Variants in SIAE observed in about 807,000 individuals in gnomAD.
The protein encoded by SIAE is sialate O-acetylesterase.
A neutral mutation model predicts 52.6 loss-of-function variants in SIAE; 39 were observed. That is an observed-to-expected ratio of 0.74 (90% CI 0.57 to 0.97). The LOEUF is 0.97. Among genes scored for constraint, SIAE ranks in the 50% least tolerant of loss-of-function variants. The probability of loss-of-function intolerance (pLI) is 0.00; values close to 1 mark genes in which losing one functional copy is unlikely to be tolerated. For missense variants in SIAE, 592 were observed against 662.1 expected (o/e 0.89, Z 1.16); for synonymous variants, 233 against 241.4 (o/e 0.97, Z 0.32).
rs186474201 is a variant in SIAE, at chr11:124,642,854, G to T, written c.967-2987C>A. On this transcript the variant is annotated intron_variant, in intron 7 of 9. Transcript: ENST00000263593. ...TAATCAGGTGAGTCCTTTCAAAGAG[G>T]GTCTAGAAGCCAGGCCCCCTCCCCT... 4.4e-3 allele frequency among the ~76,000 whole-genome samples: 674 copies of T among 152,210 alleles called. 7 individuals are homozygous for T. Among genetic ancestry groups the T allele is most frequent in the African/African-American group, 0.015 (623 of 41,526 alleles).
At chr11:124,661,155 CATTA>C (rs747453352) in intron 2 of SIAE, among the ~76,000 whole-genome samples, 51 of 152,142 alleles carry the variant, frequency 3.4e-4, no homozygotes, top group Admixed American at 6.6e-4. Context: ...TCAAAATTAA[CATTA>C]ATTTCATCTT....
intron 2 of SIAE, among the ~76,000 whole-genome samples, chr11:124,663,828 T>C (rs1053611191): frequency 6.6e-6 from 1 of 152,146 alleles, no homozygotes; most frequent in African/African-American, 2.4e-5. Flanking sequence ...ACGAAGTCCA[T>C]AAGCTGGAGT....
At chr11:124,639,586 C>T (rs987505693) in intron 8 of SIAE, 124 bp downstream of exon 8, 2 of 1,205,474 alleles carry the variant, frequency 1.7e-6, no homozygotes, top group African/African-American at 3.0e-5. Context: ...TACTGCAGCA[C>T]ACCCCAGCAT....
At chr11:124,647,804 C>T (rs1942961919) in intron 6 of SIAE, among the ~76,000 whole-genome samples, 1 of 152,090 alleles carries the variant, frequency 6.6e-6, no homozygotes, top group Admixed American at 6.6e-5. Context: ...TGCAACAGCC[C>T]CCAGACAATA....
chr11:124,673,619 C>A (rs1022848482), intron 1 of SIAE, 23 bp downstream of exon 1: 2 of 1,610,366 alleles, frequency 1.2e-6, no homozygotes, highest in African/African-American at 2.7e-5. Context: ...GGGCAGGGGT[C>A]CGGCCGAGCC....
chr11:124,674,542 A>G (rs989053980), upstream of SIAE: 1 of 152,268 alleles, frequency 6.6e-6, no homozygotes, highest in Non-Finnish European at 1.5e-5. Context: ...CCCGCTGCTT[A>G]GCAGCTACCC....
Position 124,636,183 on chromosome 11 carries a change from T to G in SIAE, c.*768A>C, listed in dbSNP as rs1942735285. 6.6e-6 allele frequency: 1 copy of G among 152,252 alleles called. No homozygotes were observed. The highest frequency in any genetic ancestry group is 1.5e-5 in the Non-Finnish European group (1 of 68,080). The allele number at this position is 152,252 out of a possible 1,614,324, so 9.4% of individuals were successfully genotyped here. On this transcript the variant is annotated 3_prime_UTR_variant, in exon 10 of 10. Transcript: ENST00000263593. ...ACTCCCACCTGGCCCTTGCTTTTCA[T>G]TCCTTAGGGCAGTCACTTAGCACCT...
intron 7 of SIAE, among the ~76,000 whole-genome samples, chr11:124,642,524 G>A (rs1323609601): frequency 6.6e-6 from 1 of 152,200 alleles, no homozygotes; most frequent in East Asian, 1.9e-4. Flanking sequence ...AGGGAAGGAG[G>A]AGAGAGTGTC....
rs758887870 is a variant in SIAE at position 124,645,584 on chromosome 11, AGCCACCAAGCCCG to A, written c.966+1768_966+1780del. 7.2e-5 allele frequency among the ~76,000 whole-genome samples: 11 copies of A among 152,168 alleles called. No homozygotes were observed. Among genetic ancestry groups the A allele is most frequent in the South Asian group, 2.1e-4 (1 of 4,834 alleles). On this transcript the variant is annotated intron_variant, in intron 7 of 9. Coordinates refer to ENST00000263593, the MANE Select transcript of SIAE (RefSeq NM_170601.5). The surrounding 1 kb of genome is among the most constrained non-coding windows in gnomAD (Gnocchi z 4.7). The stretch of plus-strand genomic sequence containing the variant: ...CCAGAGTGCTGGGATTACAAGCGTG[AGCCACCAAGCCCG>A]GCCTGATTGCTATATTTCTAGCACC...
chr11:124,660,535 C>T, intron 3 of SIAE, 93 bp downstream of exon 3: 2 of 1,299,520 alleles, frequency 1.5e-6, no homozygotes, highest in Admixed American at 1.7e-5. Context: ...TAAATAGAAA[C>T]AGCCCTGCTT....
At position 124,646,993 on chromosome 11, in the gene SIAE, T is replaced by A. The variant is rs570615345; in HGVS notation, c.966+372A>T. Among the ~76,000 whole-genome samples the A allele has an allele frequency of 1.9e-3, 282 of 152,360 alleles. 2 individuals are homozygous for A. Among genetic ancestry groups the A allele is most frequent in the South Asian group, 3.1e-3 (15 of 4,834 alleles). On this transcript the variant is annotated intron_variant, in intron 7 of 9. Coordinates refer to ENST00000263593, the MANE Select transcript of SIAE (RefSeq NM_170601.5). The stretch of plus-strand genomic sequence containing the variant: ...TTTTAGAGAAAAATGCAAGATATAG[T>A]ACAGATCTATTTCAAAAATAAATGA...
In SIAE at chr11:124,648,193, A is replaced by G. The variant is rs769949054; in HGVS notation, c.723-18T>C. On this transcript the variant is annotated intron_variant, in intron 5 of 9. Coordinates refer to ENST00000263593, the MANE Select transcript of SIAE (RefSeq NM_170601.5). ...GAATGGACCTGAAATCATATGATGC[A>G]CAAGTGTCACCAGAGAGCCAGTGAT... The G allele has an allele frequency of 7.6e-6, 12 of 1,585,454 alleles. No homozygotes were observed. Among genetic ancestry groups the G allele is most frequent in the Non-Finnish European group, 1.0e-5 (12 of 1,154,306 alleles).
At chr11:124,637,591 C>T (rs142804442) in intron 9 of SIAE, among the ~76,000 whole-genome samples, 2,396 of 152,252 alleles carry the variant, frequency 0.016, 30 homozygotes, top group Non-Finnish European at 0.02. Context: ...CTGGCACTCC[C>T]AGAGCCACTG....
At chr11:124,666,716 G>A (rs1172392390) in intron 2 of SIAE, among the ~76,000 whole-genome samples, 1 of 152,210 alleles carries the variant, frequency 6.6e-6, no homozygotes, top group Non-Finnish European at 1.5e-5. Context: ...TACTAAATGT[G>A]TAAGGATGGA....
chr11:124,661,994 T>C lies in SIAE; in HGVS notation c.230-1191A>G, dbSNP rs570817000. On this transcript the variant is annotated intron_variant, in intron 2 of 9. Coordinates refer to ENST00000263593, the MANE Select transcript of SIAE (RefSeq NM_170601.5). The stretch of plus-strand genomic sequence containing the variant: ...GTCCTAATGTACAACAGGTGACTAA[T>C]AAAAACTCAATTCATAAAGGATTTC... Among the ~76,000 whole-genome samples the C allele has an allele frequency of 4.6e-5, 7 of 152,280 alleles. No individual in the cohort carries two copies. In the South Asian group the frequency reaches 1.0e-3, roughly 23 times the overall value.
chr11:124,660,906 G>A (rs749212540), intron 2 of SIAE, 103 bp from the exon 3 acceptor site: 100 of 1,391,680 alleles, frequency 7.2e-5, no homozygotes, highest in East Asian at 3.4e-4. Flanking sequence ...GTAATAAACC[G>A]AATTCAAAGC....
chr11:124,672,367 AG>A (rs1173038075), intron 1 of SIAE, among the ~76,000 whole-genome samples: 1 of 152,204 alleles, frequency 6.6e-6, no homozygotes, highest in Non-Finnish European at 1.5e-5. Flanking sequence ...GCAATGTTCT[AG>A]TTCTTAAGTT....
chr11:124,657,304 C>T (rs73031440), intron 3 of SIAE, among the ~76,000 whole-genome samples: 4,661 of 152,258 alleles, frequency 0.031, 101 homozygotes, highest in Non-Finnish European at 0.043. Context: ...GTGTATCTGG[C>T]AGGGAAATTA....
intron 1 of SIAE, among the ~76,000 whole-genome samples, chr11:124,671,966 C>T (rs1041408398): frequency 6.7e-5 from 10 of 149,032 alleles, no homozygotes; most frequent in Non-Finnish European, 1.5e-4. Context: ...TTAGTAGAGA[C>T]GGGGTTTCAC....
Sources: gnomAD v4.1 joint callset for allele counts (sites outside exome capture counted in the v4.1 genomes callset) on GRCh38, gnomAD v4.1.1 for gene constraint, Gnocchi (gnomAD v3.1) non-coding constraint, MANE v1.5 for transcripts, NCBI Gene and HGNC (gene_info 2026-07-23, HGNC 2026-07-21) for gene names.